Variants in MELTF observed in about 807,000 individuals in gnomAD.
MELTF encodes melanotransferrin.
A neutral mutation model predicts 83.7 loss-of-function variants in MELTF; 67 were observed. The ratio of observed to expected loss-of-function variants is 0.80; its 90% CI spans 0.66 to 0.98. The LOEUF (loss-of-function observed/expected upper bound fraction) is 0.98. Among genes scored for constraint, MELTF ranks in the 50% least tolerant of loss-of-function variants. The pLI, the probability that MELTF is intolerant of heterozygous loss-of-function variation, is 0.00. For synonymous variants in MELTF, 462 were observed against 447.6 expected (o/e 1.03, Z -0.41); for missense variants, 1,002 against 1,035.6 (o/e 0.97, Z 0.44).
At position 197,009,833 on chromosome 3, in the gene MELTF, G is replaced by C. The variant is rs200027630; in HGVS notation, c.1331-21C>G. On this transcript the variant is annotated intron_variant, in intron 10 of 15. Transcript: ENST00000296350. ...TTCCGCTGGGGAGAGAGGGACTCACGTGAGGGGCCCCTCATCTGAGAGCCC... is the reference window on the plus strand; with the variant it reads ...TTCCGCTGGGGAGAGAGGGACTCACCTGAGGGGCCCCTCATCTGAGAGCCC... 58 of 1,599,210 alleles carry C rather than the reference G, an allele frequency of 3.6e-5. No individual in the cohort carries two copies. The East Asian group carries it at 1.2e-3, about 33-fold the overall frequency.
rs1429372895 is a variant in MELTF at position 197,002,543 on chromosome 3, A to T, written c.*829T>A. 2 of 152,136 alleles carry T rather than the reference A, an allele frequency of 1.3e-5. No individual in the cohort carries two copies. The highest frequency in any genetic ancestry group is 4.8e-5 in the African/African-American group (2 of 41,432). The allele number at this position is 152,136 out of a possible 1,614,324, so 9.4% of individuals were successfully genotyped here. On this transcript the variant is annotated 3_prime_UTR_variant, in exon 16 of 16. Coordinates refer to ENST00000296350, the MANE Select transcript of MELTF (RefSeq NM_005929.6). ...AGAAGCATGGCGGGTCCCCACGCGCAGCCCTTCAGGGGCCTCGGGAGCCCG... is the reference window on the plus strand; with the variant it reads ...AGAAGCATGGCGGGTCCCCACGCGCTGCCCTTCAGGGGCCTCGGGAGCCCG...
In MELTF at chr3:197,027,759, G is replaced by A. The variant is rs549785253; in HGVS notation, c.201C>T (p.Ile67=). ...GTSADHCVQL[I]AAQEADAITL... ...GGGTGGAAGGGAGAGGACTCACCGC[G>A]ATGAGCTGGACGCAGTGGTCGGCGG... The change falls in exon 2 of 16, where the codon ATC becomes ATT. Residue 67 remains isoleucine, a synonymous_variant. Coordinates refer to ENST00000296350, the MANE Select transcript of MELTF (RefSeq NM_005929.6). 4.3e-5 allele frequency: 69 copies of A among 1,606,294 alleles called. No individual in the cohort carries two copies. In the African/African-American group the frequency reaches 5.5e-4, roughly 13 times the overall value.
At chr3:197,009,060 C>A in intron 11 of MELTF, 95 bp from the exon 12 acceptor site, 1 of 1,452,462 alleles carries the variant, frequency 6.9e-7, no homozygotes, top group South Asian at 1.3e-5. Context: ...GCCCACCCCC[C>A]GGATCCTACA....
In MELTF at chr3:197,016,265, G is replaced by T; in HGVS notation, c.1005C>A (p.Ile335=). The part of the protein sequence containing the change: ...FKDSTSELVP[I]ATQTYEAWLG... Reference sequence around the variant, plus strand: ...GCCACGCCTCATAGGTCTGTGTGGCGATGGGCACAAGCTCCGAGGTAGAGT... The same window carrying T: ...GCCACGCCTCATAGGTCTGTGTGGCTATGGGCACAAGCTCCGAGGTAGAGT... The change falls in exon 8 of 16, where the codon ATC becomes ATA. Residue 335 remains isoleucine (I), a synonymous_variant. Transcript: ENST00000296350. 6.2e-7 allele frequency: 1 copy of T among 1,613,030 alleles called. No individual in the cohort carries two copies. The highest frequency in any genetic ancestry group is 8.5e-7 in the Non-Finnish European group (1 of 1,179,396).
At position 197,008,742 on chromosome 3, in the gene MELTF, G is replaced by C. The variant is rs1710351270; in HGVS notation, c.1683-18C>G. 1 of 1,613,892 alleles carries C rather than the reference G, an allele frequency of 6.2e-7. No individual in the cohort carries two copies. The highest frequency in any genetic ancestry group is 1.3e-5 in the African/African-American group (1 of 74,936). On this transcript the variant is annotated intron_variant, in intron 12 of 15. Transcript: ENST00000296350. The surrounding 1 kb of genome is among the most constrained non-coding windows in gnomAD (Gnocchi z 5.4). ...CCAGGCACCTGCCACACAGAGGGCA[G>C]GGCAGGCGTCGGCAGGAGGGTCCCA...
intron 9 of MELTF, among the ~76,000 whole-genome samples, chr3:197,015,134 G>T (rs1719314818): frequency 6.6e-6 from 1 of 152,126 alleles, no homozygotes; most frequent in Non-Finnish European, 1.5e-5. Flanking sequence ...ACCCCTATCT[G>T]CCTGTCCCCT....
chr3:197,006,855 G>T lies in MELTF; in HGVS notation c.1751-119C>A. ...ACAGGGAGGTGGCAACATCTGGCCA[G>T]CTCCCCAACCCTCTCCATTCTCCAC... On this transcript the variant is annotated intron_variant, in intron 13 of 15. Transcript: ENST00000296350. The surrounding 1 kb of genome is among the most constrained non-coding windows in gnomAD (Gnocchi z 5.4). 1.1e-6 allele frequency: 1 copy of T among 919,584 alleles called. No homozygotes were observed. The highest frequency in any genetic ancestry group is 1.5e-6 in the Non-Finnish European group (1 of 655,588). 57.0% of individuals were successfully genotyped at this position (919,584 alleles called of 1,614,324 possible).
intron 9 of MELTF, 26 bp downstream of exon 9, chr3:197,015,339 C>T: frequency 6.5e-7 from 1 of 1,539,580 alleles, no homozygotes; most frequent in Non-Finnish European, 8.8e-7. Context: ...CCCACCTGGC[C>T]CACGCTGCAC....
At chr3:197,023,992 G>A (rs771926863) in intron 4 of MELTF, 2 of 599,218 alleles carry the variant, frequency 3.3e-6, no homozygotes, top group Admixed American at 2.1e-5. Flanking sequence ...TATACTGGTG[G>A]GAAGCACTCC....
In MELTF at chr3:197,029,698, C is replaced by G; in HGVS notation, c.5G>C (p.Arg2Pro). The change falls in exon 1 of 16, where the codon CGG becomes CCG. Residue 2 changes from arginine (R) to proline (P), a missense_variant. Transcript: ENST00000296350. This position sits in a 1 kb window ranked among gnomAD's most constrained non-coding sequence, Gnocchi z 6.5. ...CAGCCACAGAGCCCCGCTCGGACCC[C>G]GCATGGCGCCGTCGGGGCTGGCTGG... M[R>P]GPSGALWLLL... 1 of 1,241,136 alleles carries G rather than the reference C, an allele frequency of 8.1e-7. No homozygotes were observed. Among genetic ancestry groups the G allele is most frequent in the Non-Finnish European group, 1.0e-6 (1 of 993,362 alleles). The allele number at this position is 1,241,136 out of a possible 1,614,324, so 76.9% of individuals were successfully genotyped here. A position where few individuals can be genotyped will look rare whatever the true frequency, so the allele number is the denominator to read the frequency against.
rs1020624481 is a variant in MELTF at position 197,024,687 on chromosome 3, T to C, written c.305-202A>G. Reference sequence around the variant, plus strand: ...TAAGAGGCCCTGCCCTCTAGCCTCTTGAGGTAGAGACGATCCTGAGATATT... The same window carrying C: ...TAAGAGGCCCTGCCCTCTAGCCTCTCGAGGTAGAGACGATCCTGAGATATT... On this transcript the variant is annotated intron_variant, in intron 3 of 15. Transcript: ENST00000296350. The surrounding 1 kb of genome is among the most constrained non-coding windows in gnomAD (Gnocchi z 5.3). Among the ~76,000 whole-genome samples, 2 of 152,194 alleles carry C rather than the reference T, an allele frequency of 1.3e-5. No homozygotes were observed. The highest frequency in any genetic ancestry group is 2.4e-5 in the African/African-American group (1 of 41,430).
rs1238833860 is a variant in MELTF at position 197,011,376 on chromosome 3, C to T, written c.1234-582G>A. ...TCCTGGGGCCTCCAGGTCACCTGCACCCACCCCGCTTGTCCATTCGGAAGC... is the reference window on the plus strand; with the variant it reads ...TCCTGGGGCCTCCAGGTCACCTGCATCCACCCCGCTTGTCCATTCGGAAGC... On this transcript the variant is annotated intron_variant, in intron 9 of 15. Coordinates refer to ENST00000296350, the MANE Select transcript of MELTF (RefSeq NM_005929.6). The surrounding 1 kb of genome is among the most constrained non-coding windows in gnomAD (Gnocchi z 4.2). Among the ~76,000 whole-genome samples, 3 of 152,132 alleles carry T rather than the reference C, an allele frequency of 2.0e-5. No homozygotes were observed. The highest frequency in any genetic ancestry group is 4.4e-5 in the Non-Finnish European group (3 of 68,016).
rs773879950 is a variant in MELTF, at chr3:197,024,269, C to T, written c.487+34G>A. Reference sequence around the variant, plus strand: ...TGGGCCAAGGAAAGGAGGGGGAGGCCTGGGGACCCTCCTGCCCAGCCCAAA... The same window carrying T: ...TGGGCCAAGGAAAGGAGGGGGAGGCTTGGGGACCCTCCTGCCCAGCCCAAA... On this transcript the variant is annotated intron_variant, in intron 4 of 15. Transcript: ENST00000296350. The surrounding 1 kb of genome is among the most constrained non-coding windows in gnomAD (Gnocchi z 5.3). 1.4e-5 allele frequency: 21 copies of T among 1,522,502 alleles called. No individual in the cohort carries two copies. In the Middle Eastern group the frequency reaches 7.5e-4, roughly 54 times the overall value. The allele number at this position is 1,522,502 out of a possible 1,614,324, so 94.3% of individuals were successfully genotyped here.
Position 197,021,446 on chromosome 3 carries a change from C to T in MELTF, c.670G>A (p.Val224Met), listed in dbSNP as rs369994330. 9.3e-6 allele frequency: 15 copies of T among 1,613,974 alleles called. No individual in the cohort carries two copies. Among genetic ancestry groups the T allele is most frequent in the African/African-American group, 2.7e-5 (2 of 74,950 alleles). ...ACCGTGCTGTGCTTCACAAAAGCCA[C>T]GTCCCCTGCCCCTTCCGCCAGGCAC... is the stretch of plus-strand genomic sequence containing the variant. ...FRCLAEGAGD[V>M]AFVKHSTVLE... Residue 224 changes from valine to methionine, a missense_variant, in exon 6 of 16, where the codon GTG becomes ATG. Transcript: ENST00000296350.
chr3:197,009,765 C>T lies in MELTF; in HGVS notation c.1378G>A (p.Asp460Asn). The T allele has an allele frequency of 6.2e-7, 1 of 1,613,462 alleles. No homozygotes were observed. The highest frequency in any genetic ancestry group is 8.5e-7 in the Non-Finnish European group (1 of 1,179,966). The change falls in exon 11 of 16, where the codon GAC (aspartate) becomes AAC (asparagine). Residue 460 changes from aspartate (D) to asparagine (N), a missense_variant. Asp to Asn is a conservative substitution (Grantham distance 23). Transcript: ENST00000296350. ...TCCAAGGTGAAGGCGTGGGAGCTGT[C>T]CCGTCTCACCACGGCCACCACGTAG... ...SYYVVAVVRR[D>N]SSHAFTLDEL...
chr3:197,017,681 T>G (rs1446522528), intron 6 of MELTF, among the ~76,000 whole-genome samples: 9 of 152,054 alleles, frequency 5.9e-5, no homozygotes, highest in South Asian at 2.1e-4. Flanking sequence ...ATCAAGACCA[T>G]CCTGGCTAAC....
At position 197,008,687 on chromosome 3, in the gene MELTF, T is replaced by A. The variant is rs1460503261; in HGVS notation, c.1720A>T (p.Arg574Trp). 6.2e-7 allele frequency: 1 copy of A among 1,614,086 alleles called. No individual in the cohort carries two copies. The highest frequency in any genetic ancestry group is 8.5e-7 in the Non-Finnish European group (1 of 1,180,010). ...VENAGDVAFV[R>W]HTTVFDNTNG... Reference sequence around the variant, plus strand: ...GTGTTGTCAAAGACGGTTGTGTGCCTGACGAAGGCAACGTCACCCGCATTC... The same window carrying A: ...GTGTTGTCAAAGACGGTTGTGTGCCAGACGAAGGCAACGTCACCCGCATTC... The change falls in exon 13 of 16, where the codon AGG becomes TGG. Residue 574 changes from arginine (R) to tryptophan (W), a missense_variant. Coordinates refer to ENST00000296350, the MANE Select transcript of MELTF (RefSeq NM_005929.6). The surrounding 1 kb of genome is among the most constrained non-coding windows in gnomAD (Gnocchi z 5.4).
intron 9 of MELTF, among the ~76,000 whole-genome samples, chr3:197,012,444 T>C (rs934324806): frequency 6.6e-6 from 1 of 152,252 alleles, no homozygotes; most frequent in African/African-American, 2.4e-5. Flanking sequence ...GCTTGCGCGA[T>C]GGTCATCGTC....
At chr3:197,016,473 G>A in intron 7 of MELTF, 104 bp from the exon 8 acceptor site, 1 of 1,091,560 alleles carries the variant, frequency 9.2e-7, no homozygotes, top group Middle Eastern at 2.2e-4. Context: ...CTCAGACCAG[G>A]CACCCACCCT....
Sources: gnomAD v4.1 joint callset for allele counts (sites outside exome capture counted in the v4.1 genomes callset) on GRCh38, gnomAD v4.1.1 for gene constraint, Gnocchi (gnomAD v3.1) non-coding constraint, MANE v1.5 for transcripts, NCBI Gene and HGNC (gene_info 2026-07-23, HGNC 2026-07-21) for gene names.